The following BCKDHB variants were observed in gnomAD, a reference collection of about 807,000 sequenced individuals.
BCKDHB encodes the protein 2-oxoisovalerate dehydrogenase subunit beta, mitochondrial.
Under a neutral mutation model 48.5 loss-of-function variants are expected in BCKDHB, and 41 were observed. The observed-to-expected ratio is 0.85, with a 90% confidence interval of 0.66 to 1.10. BCKDHB has a LOEUF of 1.10. BCKDHB is among the 50% of genes least tolerant of loss of function. The pLI is 0.00. For missense variants in BCKDHB, 496 were observed against 494.2 expected (o/e 1.00, Z -0.03); for synonymous variants, 201 against 174.8 (o/e 1.15, Z -1.18).
intron 9 of BCKDHB, among the ~76,000 whole-genome samples, chr6:80,334,257 G>C (rs1429599642): frequency 6.6e-6 from 1 of 152,046 alleles, no homozygotes; most frequent in African/African-American, 2.4e-5. Flanking sequence ...ACAATTGCTA[G>C]ATGTGTTTTA....
rs1775171850 is a variant in BCKDHB, at chr6:80,216,373, GAT to G, written c.951+13164_951+13165del. ...CATTTGCCCACCTTTATAATATAAAGATATGTGTTTTACAGGTGGGCAAATGT... is the reference window on the plus strand; with the variant it reads ...CATTTGCCCACCTTTATAATATAAAGATGTGTTTTACAGGTGGGCAAATGT... On this transcript the variant is annotated intron_variant, in intron 8 of 9. Coordinates refer to ENST00000320393, the MANE Select transcript of BCKDHB (RefSeq NM_183050.4). Among the ~76,000 whole-genome samples, 4 of 152,234 alleles carry G rather than the reference GAT, an allele frequency of 2.6e-5. No individual in the cohort carries two copies. The East Asian group carries it at 5.8e-4, about 22-fold the overall frequency.
chr6:80,189,081 T>G (rs1200220654), intron 6 of BCKDHB, among the ~76,000 whole-genome samples: 2 of 152,242 alleles, frequency 1.3e-5, no homozygotes. Flanking sequence ...AATGTGTTTC[T>G]CAGAATGTGT....
At chr6:80,379,795 C>A in the BCKDHB span, among the ~76,000 whole-genome samples, 1 of 151,834 alleles carries the variant, frequency 6.6e-6, no homozygotes, top group Non-Finnish European at 1.5e-5. Context: ...TTTATATACA[C>A]CAATAATGTT....
At chr6:80,224,923 C>A (rs117802896) in intron 8 of BCKDHB, among the ~76,000 whole-genome samples, 146 of 152,288 alleles carry the variant, frequency 9.6e-4, no homozygotes, top group South Asian at 3.3e-3. Flanking sequence ...CTGGATTTTT[C>A]CCATAAAGTG....
At chr6:80,430,914 G>A in the BCKDHB span, among the ~76,000 whole-genome samples, 4 of 151,900 alleles carry the variant, frequency 2.6e-5, no homozygotes, top group Admixed American at 6.6e-5. Flanking sequence ...TTGGTGTTAG[G>A]GTGTAGATTT....
the BCKDHB span, among the ~76,000 whole-genome samples, chr6:80,410,304 G>T: frequency 6.6e-6 from 1 of 152,144 alleles, no homozygotes; most frequent in Non-Finnish European, 1.5e-5. Flanking sequence ...TCGGGTTTCT[G>T]CTGAGAGATC....
the BCKDHB span, among the ~76,000 whole-genome samples, chr6:80,387,036 G>T: frequency 6.6e-6 from 1 of 152,108 alleles, no homozygotes; most frequent in Non-Finnish European, 1.5e-5. Context: ...ATTGGGTAAA[G>T]GGAAATGATT....
chr6:80,440,117 C>G, the BCKDHB span, among the ~76,000 whole-genome samples: 1 of 152,192 alleles, frequency 6.6e-6, no homozygotes, highest in Non-Finnish European at 1.5e-5. Context: ...TGCTGTCACT[C>G]TCTGCCACAC....
chr6:80,384,281 G>T, the BCKDHB span, among the ~76,000 whole-genome samples: 1 of 151,968 alleles, frequency 6.6e-6, no homozygotes, highest in Non-Finnish European at 1.5e-5. Context: ...CAGCCCACAG[G>T]TTTCTCCCAT....
chr6:80,422,642 C>A, the BCKDHB span, among the ~76,000 whole-genome samples: 2 of 152,164 alleles, frequency 1.3e-5, no homozygotes, highest in African/African-American at 4.8e-5. Context: ...CATCAGTGTG[C>A]CATGGATGTG....
At chr6:80,137,591 A>G (rs1010476119) in intron 3 of BCKDHB, among the ~76,000 whole-genome samples, 5 of 152,130 alleles carry the variant, frequency 3.3e-5, no homozygotes, top group African/African-American at 1.2e-4. Context: ...ATTTTGTAGG[A>G]TATCAGAGCT....
At position 80,207,197 on chromosome 6, in the gene BCKDHB, A is replaced by G. The variant is rs193249619; in HGVS notation, c.951+3985A>G. Among the ~76,000 whole-genome samples, 85 of 152,090 alleles carry G rather than the reference A, an allele frequency of 5.6e-4. 1 individual carries two copies. The highest frequency in any genetic ancestry group is 3.4e-3 in the Middle Eastern group (1 of 294). ...GAAACAGTAGTCATAATTTTCTGTG[A>G]AAGTTTAAGTTTAGTGAAGTTTAAG... On this transcript the variant is annotated intron_variant, in intron 8 of 9. Transcript: ENST00000320393.
chr6:80,447,262 A>T, the BCKDHB span, among the ~76,000 whole-genome samples: 1 of 152,012 alleles, frequency 6.6e-6, no homozygotes. Flanking sequence ...TACTGTGAGG[A>T]TCAGATGCAT....
intron 3 of BCKDHB, chr6:80,135,819 A>G (rs1267339640): frequency 6.6e-6 from 1 of 152,154 alleles, no homozygotes; most frequent in African/African-American, 2.4e-5. Flanking sequence ...CCATCTAACA[A>G]TAACTCCCCA....
the BCKDHB span, among the ~76,000 whole-genome samples, chr6:80,405,766 G>C: frequency 2.6e-5 from 4 of 152,064 alleles, no homozygotes; most frequent in Non-Finnish European, 5.9e-5. Flanking sequence ...GCTTATTTTA[G>C]GTTGATAACA....
chr6:80,320,415 T>C (rs1768662632), intron 9 of BCKDHB, among the ~76,000 whole-genome samples: 1 of 152,200 alleles, frequency 6.6e-6, no homozygotes, highest in Non-Finnish European at 1.5e-5. Flanking sequence ...TCCTTTCTCT[T>C]TTTTCATACA....
At chr6:80,376,576 A>G in the BCKDHB span, among the ~76,000 whole-genome samples, 4,859 of 152,222 alleles carry the variant, frequency 0.032, 277 homozygotes, top group African/African-American at 0.11. Flanking sequence ...TTCTTAGAGC[A>G]AAAGTTCACA....
chr6:80,109,153 G>C (rs1254766324), intron 1 of BCKDHB, among the ~76,000 whole-genome samples: 1 of 152,052 alleles, frequency 6.6e-6, no homozygotes, highest in Non-Finnish European at 1.5e-5. Context: ...ATCTTGCCTT[G>C]GCTGTCTATA....
chr6:80,230,056 T>G (rs1369558577), intron 8 of BCKDHB, among the ~76,000 whole-genome samples: 2 of 80,356 alleles, frequency 2.5e-5, no homozygotes, highest in Admixed American at 1.5e-4. Context: ...TTTTTTTTTT[T>G]GAGACGGAGT....
Sources: gnomAD v4.1 joint callset for allele counts (sites outside exome capture counted in the v4.1 genomes callset) on GRCh38, gnomAD v4.1.1 for gene constraint, MANE v1.5 for transcripts, NCBI Gene and HGNC (gene_info 2026-07-23, HGNC 2026-07-21) for gene names.